Variants in PMS1 observed in about 807,000 individuals in gnomAD.
The protein encoded by PMS1 is PMS1 protein homolog 1.
Under a neutral mutation model 93.1 loss-of-function variants are expected in PMS1, and 79 were observed. The ratio of observed to expected loss-of-function variants is 0.85; its 90% CI spans 0.71 to 1.02. The LOEUF is 1.02. Among genes scored for constraint, PMS1 ranks in the 50% least tolerant of loss-of-function variants. The pLI is 0.00. For missense variants in PMS1, 1,064 were observed against 1,085.3 expected (o/e 0.98, Z 0.28); for synonymous variants, 335 against 363.4 (o/e 0.92, Z 0.89).
At chr2:189,785,604 A>C (rs1350054475) in intron 1 of PMS1, 1 of 152,330 alleles carries the variant, frequency 6.6e-6, no homozygotes, top group Non-Finnish European at 1.5e-5. Context: ...AGCAACAGAC[A>C]GAAACACATA....
chr2:189,862,467 G>T (rs1276465225), intron 9 of PMS1, among the ~76,000 whole-genome samples: 5 of 152,014 alleles, frequency 3.3e-5, no homozygotes, highest in African/African-American at 1.2e-4. Flanking sequence ...TCATCTTGAG[G>T]TTGGCTTCTA....
At chr2:189,865,056 C>G (rs1436482867) in intron 10 of PMS1, among the ~76,000 whole-genome samples, 3 of 151,678 alleles carry the variant, frequency 2.0e-5, no homozygotes, top group African/African-American at 7.3e-5. Flanking sequence ...GAACAATTCC[C>G]CCTCCTATAT....
chr2:189,836,813 A>T (rs2053419598), intron 5 of PMS1, among the ~76,000 whole-genome samples: 1 of 152,220 alleles, frequency 6.6e-6, no homozygotes, highest in African/African-American at 2.4e-5. Flanking sequence ...TTAAAGTGAA[A>T]TCACATTGCA....
rs554166891 is a variant in PMS1, at chr2:189,842,178, G to A, written c.583-1786G>A. Among the ~76,000 whole-genome samples the A allele has an allele frequency of 5.9e-5, 9 of 151,818 alleles. No homozygotes were observed. The South Asian group carries it at 1.5e-3, about 25-fold the overall frequency. On this transcript the variant is annotated intron_variant, in intron 5 of 12. Transcript: ENST00000441310. ...TCTTGATTGCCGTTTAGCCAGCCAC[G>A]TCTGTTCCTACCATACTCACTCAAC...
intron 4 of PMS1, among the ~76,000 whole-genome samples, chr2:189,808,480 A>G (rs1289574657): frequency 1.3e-5 from 2 of 151,812 alleles, no homozygotes; most frequent in Non-Finnish European, 2.9e-5. Context: ...GGTGTGTGTC[A>G]CCACACCTGG....
At chr2:189,826,706 T>C (rs2052459555) in intron 5 of PMS1, among the ~76,000 whole-genome samples, 1 of 152,200 alleles carries the variant, frequency 6.6e-6, no homozygotes, top group Non-Finnish European at 1.5e-5. Flanking sequence ...ATTTCTGTTA[T>C]GTCATTTTGC....
At chr2:189,840,634 T>A (rs1416502534) in intron 5 of PMS1, among the ~76,000 whole-genome samples, 1 of 152,230 alleles carries the variant, frequency 6.6e-6, no homozygotes, top group Admixed American at 6.5e-5. Context: ...CTGTGCATTA[T>A]GATACTAATT....
chr2:189,812,699 G>T (rs961759306), intron 4 of PMS1, among the ~76,000 whole-genome samples: 2 of 152,096 alleles, frequency 1.3e-5, no homozygotes, highest in African/African-American at 4.8e-5. Context: ...TTATTTCATG[G>T]TAATCAAGGT....
rs2055094708 is a variant in PMS1, at chr2:189,854,324, CAG to C, written c.1054_1055del (p.Asp352CysfsTer5). ...ACAAATTCTTATGAAAATAATAAAACAGATGTTTCCGCAGCTGACATCGTTCT... is the reference window on the plus strand; with the variant it reads ...ACAAATTCTTATGAAAATAATAAAACATGTTTCCGCAGCTGACATCGTTCT... On this transcript the variant is annotated frameshift_variant, in exon 9 of 13. Transcript: ENST00000441310. LOFTEE classifies it high-confidence loss of function. 4 of 1,594,850 alleles carry C rather than the reference CAG, an allele frequency of 2.5e-6. No homozygotes were observed. Among genetic ancestry groups the C allele is most frequent in the Non-Finnish European group, 3.4e-6 (4 of 1,170,890 alleles).
intron 5 of PMS1, among the ~76,000 whole-genome samples, chr2:189,821,098 T>G (rs1053437425): frequency 2.0e-5 from 3 of 151,860 alleles, no homozygotes; most frequent in African/African-American, 7.3e-5. Context: ...AGGAACATAA[T>G]AATTAGGAAG....
chr2:189,795,805 A>T lies in PMS1; in HGVS notation c.169A>T (p.Asn57Tyr). The T allele has an allele frequency of 6.2e-7, 1 of 1,613,944 alleles. No homozygotes were observed. The highest frequency in any genetic ancestry group is 8.5e-7 in the Non-Finnish European group (1 of 1,179,798). ...ATTTGATAAAATTGAGGTGCGAGATAACGGGGAGGGTATCAAGGCTGTTGA... is the reference window on the plus strand; with the variant it reads ...ATTTGATAAAATTGAGGTGCGAGATTACGGGGAGGGTATCAAGGCTGTTGA... The part of the protein sequence containing the change: ...YGFDKIEVRD[N>Y]GEGIKAVDAP... The change falls in exon 3 of 13, where the codon AAC (asparagine) becomes TAC (tyrosine). Residue 57 changes from asparagine to tyrosine, a missense_variant. By Grantham distance (143) the Asn-to-Tyr change is moderately radical (BLOSUM62 -2). Coordinates refer to ENST00000441310, the MANE Select transcript of PMS1 (RefSeq NM_000534.5).
At chr2:189,867,958 A>T (rs775027155) in intron 11 of PMS1, 29 bp downstream of exon 11, 1 of 1,563,694 alleles carries the variant, frequency 6.4e-7, no homozygotes, top group East Asian at 2.2e-5. Context: ...ATATTTTCTG[A>T]TGTGGAAAAA....
chr2:189,852,317 A>G (rs1315969489), intron 6 of PMS1, among the ~76,000 whole-genome samples: 3 of 152,236 alleles, frequency 2.0e-5, no homozygotes, highest in Non-Finnish European at 4.4e-5. Context: ...GTGAGGAAAG[A>G]AACTTTTAAA....
chr2:189,836,801 C>T (rs1358088700), intron 5 of PMS1, among the ~76,000 whole-genome samples: 1 of 152,174 alleles, frequency 6.6e-6, no homozygotes, highest in Non-Finnish European at 1.5e-5. Context: ...AGCATGTTTA[C>T]TTTAAAGTGA....
rs890483309 is a variant in PMS1, at chr2:189,862,806, A to C, written c.1857-937A>C. Among the ~76,000 whole-genome samples, 3 of 152,220 alleles carry C rather than the reference A, an allele frequency of 2.0e-5. No individual in the cohort carries two copies. In the East Asian group the frequency reaches 5.8e-4, roughly 29 times the overall value. On this transcript the variant is annotated intron_variant, in intron 9 of 12. Transcript: ENST00000441310. ...TTTTAACTGAAAGCCCAAAGTGTTCACCCGGCCATGAAACTGTGGAATTCA... is the reference window on the plus strand; with the variant it reads ...TTTTAACTGAAAGCCCAAAGTGTTCCCCCGGCCATGAAACTGTGGAATTCA...
rs201993417 is a variant in PMS1, at chr2:189,873,484, T to A, written c.2474-12T>A. Reference sequence around the variant, plus strand: ...TGAACTTAACTATGTGTTTTTATTTTTTTTCTTTCAGGAGTTTCAATTACT... The same window carrying A: ...TGAACTTAACTATGTGTTTTTATTTATTTTCTTTCAGGAGTTTCAATTACT... On this transcript the variant is annotated splice_polypyrimidine_tract_variant and intron_variant, in intron 11 of 12. Transcript: ENST00000441310. 6.4e-7 allele frequency: 1 copy of A among 1,565,050 alleles called. No homozygotes were observed. The highest frequency in any genetic ancestry group is 1.7e-5 in the Admixed American group (1 of 59,742).
chr2:189,822,037 G>T (rs910149272), intron 5 of PMS1, among the ~76,000 whole-genome samples: 72 of 152,268 alleles, frequency 4.7e-4, no homozygotes, highest in African/African-American at 1.6e-3. Flanking sequence ...CGCTCTCCGG[G>T]CGGGGCGGGT....
intron 1 of PMS1, among the ~76,000 whole-genome samples, chr2:189,785,978 A>T (rs951503145): frequency 6.6e-6 from 1 of 152,086 alleles, no homozygotes; most frequent in African/African-American, 2.4e-5. Flanking sequence ...TACGAAAATT[A>T]GCCGGGCGTG....
intron 5 of PMS1, among the ~76,000 whole-genome samples, chr2:189,838,907 G>A (rs938240812): frequency 1.3e-5 from 2 of 152,174 alleles, no homozygotes; most frequent in African/African-American, 2.4e-5. Flanking sequence ...GTCACCTATC[G>A]GAATATTTTT....
Sources: gnomAD v4.1 joint callset for allele counts (sites outside exome capture counted in the v4.1 genomes callset) on GRCh38, gnomAD v4.1.1 for gene constraint, MANE v1.5 for transcripts, NCBI Gene and HGNC (gene_info 2026-07-23, HGNC 2026-07-21) for gene names.